The following PON2 variants were observed in gnomAD, a reference collection of about 807,000 sequenced individuals.
The protein encoded by PON2 is serum paraoxonase/arylesterase 2.
In PON2, 27 loss-of-function variants were observed where a neutral mutation model predicts 36.6. That is an observed-to-expected ratio of 0.74 (90% CI 0.54 to 1.02). The LOEUF (loss-of-function observed/expected upper bound fraction) is 1.02, where lower values mean the gene tolerates loss of function less well. Ranked by LOEUF, PON2 falls within the 50% of genes least tolerant of loss-of-function variation. PON2 has a pLI of 0.00. For synonymous variants in PON2, 149 were observed against 156.3 expected (o/e 0.95, Z 0.35); for missense variants, 363 against 421.1 (o/e 0.86, Z 1.21).
chr7:95,435,009 T>C lies in PON2; in HGVS notation c.-58A>G. The C allele has an allele frequency of 6.8e-7, 1 of 1,470,088 alleles. No homozygotes were observed. The highest frequency in any genetic ancestry group is 1.3e-5 in the South Asian group (1 of 77,786). The allele number at this position is 1,470,088 out of a possible 1,614,324, so 91.1% of individuals were successfully genotyped here. The stretch of plus-strand genomic sequence containing the variant: ...GCCTGGCCAGCAGCTCCGTGGGCGG[T>C]GCCATCTTCCCGGCTCGATGGTGCC... On this transcript the variant is annotated 5_prime_UTR_variant, in exon 1 of 9. Coordinates refer to ENST00000222572, the MANE Select transcript of PON2 (RefSeq NM_000305.3).
At chr7:95,406,302 A>G in intron 7 of PON2, 55 bp from the exon 8 acceptor site, 3 of 1,569,992 alleles carry the variant, frequency 1.9e-6, no homozygotes, top group Non-Finnish European at 2.6e-6. Flanking sequence ...TGATTAAATA[A>G]TTTAGAGGTA....
In PON2 at chr7:95,413,579, T is replaced by C. The variant is rs546423456; in HGVS notation, c.202-1102A>G. Among the ~76,000 whole-genome samples, 50 of 152,350 alleles carry C rather than the reference T, an allele frequency of 3.3e-4. 1 individual carries two copies. The highest frequency in any genetic ancestry group is 1.0e-3 in the African/African-American group (43 of 41,574). Reference sequence around the variant, plus strand: ...TTGGTACTCACTGAGATGATATAGGTCTTTTCTCTTTTAAATCAGTTAATA... The same window carrying C: ...TTGGTACTCACTGAGATGATATAGGCCTTTTCTCTTTTAAATCAGTTAATA... On this transcript the variant is annotated intron_variant, in intron 3 of 8. Transcript: ENST00000222572.
intron 1 of PON2, among the ~76,000 whole-genome samples, chr7:95,425,222 T>C (rs769308567): frequency 6.6e-6 from 1 of 152,210 alleles, no homozygotes. Context: ...GAGATTTTAG[T>C]GTACCCATCC....
intron 3 of PON2, 169 bp downstream of exon 3, chr7:95,416,073 T>C (rs773825185): frequency 3.1e-5 from 39 of 1,275,524 alleles, no homozygotes; most frequent in Non-Finnish European, 4.2e-5. Flanking sequence ...AGTCTTCATC[T>C]CTACATTTAG....
chr7:95,421,321 T>C (rs1334541751), intron 2 of PON2, among the ~76,000 whole-genome samples: 1 of 152,254 alleles, frequency 6.6e-6, no homozygotes, highest in Non-Finnish European at 1.5e-5. Flanking sequence ...TTGTGCCCTA[T>C]TGTCTACTCT....
At chr7:95,417,452 GA>G (rs1430804262) in intron 2 of PON2, among the ~76,000 whole-genome samples, 1 of 152,092 alleles carries the variant, frequency 6.6e-6, no homozygotes, top group Non-Finnish European at 1.5e-5. Flanking sequence ...AAGTATCTGT[GA>G]ACCCTCGGAA....
chr7:95,424,227 A>G (rs564744448), intron 2 of PON2: 2 of 435,228 alleles, frequency 4.6e-6, no homozygotes, highest in East Asian at 4.7e-5. Context: ...ATACCTGACA[A>G]ACAATACAGA....
chr7:95,410,182 A>T, intron 5 of PON2, 81 bp from the exon 6 acceptor site: 1 of 1,198,000 alleles, frequency 8.3e-7, no homozygotes, highest in Non-Finnish European at 1.2e-6. Context: ...CATAAGATTT[A>T]TGCAACATGT....
Position 95,410,005 on chromosome 7 carries a change from C to T in PON2, c.591G>A (p.Leu197=), listed in dbSNP as rs754753855. 8.1e-6 allele frequency: 13 copies of T among 1,613,548 alleles called. No homozygotes were observed. The highest frequency in any genetic ancestry group is 1.0e-5 in the Non-Finnish European group (12 of 1,179,746). Residue 197 remains leucine (L), a synonymous_variant, in exon 6 of 9, where the codon TTG becomes TTA. Transcript: ENST00000222572. ...DPFLKYLETY[L]NLHWANVVYY... ...AAACAACATTTGCCCAGTGTAAGTT[C>T]AAGTATGTTTCTAAATACTTTAAGA...
At chr7:95,433,584 A>G (rs1180953945) in intron 1 of PON2, among the ~76,000 whole-genome samples, 2 of 149,404 alleles carry the variant, frequency 1.3e-5, no homozygotes, top group Non-Finnish European at 1.5e-5. Context: ...CTTTTGAAGC[A>G]CTATTGGGCC....
intron 3 of PON2, chr7:95,415,976 G>A: frequency 1.7e-6 from 1 of 599,974 alleles, no homozygotes; most frequent in South Asian, 2.4e-5. Context: ...AATTAAAAAA[G>A]AAAAAACAAA....
intron 3 of PON2, chr7:95,412,827 C>T (rs1788967318): frequency 2.8e-6 from 1 of 353,856 alleles, no homozygotes; most frequent in South Asian, 2.5e-5. Flanking sequence ...TGGAACAGTG[C>T]CTGGCATACA....
At chr7:95,408,528 A>G (rs1276935702) in intron 6 of PON2, among the ~76,000 whole-genome samples, 2 of 152,210 alleles carry the variant, frequency 1.3e-5, no homozygotes, top group African/African-American at 4.8e-5. Flanking sequence ...TTTGACTCTC[A>G]TAATGGAAAT....
At chr7:95,421,778 G>A (rs1789198934) in intron 2 of PON2, among the ~76,000 whole-genome samples, 1 of 152,140 alleles carries the variant, frequency 6.6e-6, no homozygotes, top group Non-Finnish European at 1.5e-5. Flanking sequence ...TAAGGAATGA[G>A]AGGCAGATCA....
intron 1 of PON2, among the ~76,000 whole-genome samples, chr7:95,432,900 A>G (rs1789475514): frequency 6.6e-6 from 1 of 152,146 alleles, no homozygotes; most frequent in Non-Finnish European, 1.5e-5. Context: ...CTCTGGTAGC[A>G]CCTTTGACTT....
chr7:95,405,442 G>A lies in PON2; in HGVS notation c.953C>T (p.Thr318Ile). 1 of 1,613,500 alleles carries A rather than the reference G, an allele frequency of 6.2e-7. No individual in the cohort carries two copies. Among genetic ancestry groups the A allele is most frequent in the Non-Finnish European group, 8.5e-7 (1 of 1,179,478 alleles). ...AACAGACCCATTGTTGGCATAAACT[G>A]TAGTCACTGTAGGCTTCTCAGATAG... ...NILSEKPTVTTVYANNGSVLQ... is the reference protein window; with the variant it reads ...NILSEKPTVTIVYANNGSVLQ... Residue 318 changes from threonine (T) to isoleucine (I), a missense_variant, in exon 9 of 9, where the codon ACA becomes ATA. Physicochemically the swap from Thr to Ile is moderately conservative, Grantham distance 89 (BLOSUM62 -1). Coordinates refer to ENST00000222572, the MANE Select transcript of PON2 (RefSeq NM_000305.3).
chr7:95,428,761 G>T (rs1395835509), intron 1 of PON2, among the ~76,000 whole-genome samples: 2 of 152,146 alleles, frequency 1.3e-5, no homozygotes, highest in Non-Finnish European at 2.9e-5. Context: ...TGCTGAGAAG[G>T]AATGAAGGCT....
At chr7:95,430,097 T>C (rs1193078951) in intron 1 of PON2, among the ~76,000 whole-genome samples, 2 of 152,194 alleles carry the variant, frequency 1.3e-5, no homozygotes, top group Non-Finnish European at 2.9e-5. Flanking sequence ...AAGATATCTA[T>C]GAAGACTGGA....
At chr7:95,417,712 C>A (rs966780448) in intron 2 of PON2, among the ~76,000 whole-genome samples, 2 of 149,284 alleles carry the variant, frequency 1.3e-5, no homozygotes, top group Non-Finnish European at 3.0e-5. Context: ...CACACACACA[C>A]ACACACACAC....
Sources: allele counts gnomAD v4.1 joint callset (sites outside exome capture counted in the v4.1 genomes callset), GRCh38; gene constraint gnomAD v4.1.1; transcripts MANE v1.5; gene names NCBI Gene and HGNC (gene_info 2026-07-23, HGNC 2026-07-21).